The following PTPRT variants were observed in gnomAD, a reference collection of about 807,000 sequenced individuals.
The protein encoded by PTPRT is protein tyrosine phosphatase receptor type T.
In PTPRT, 56 loss-of-function variants were observed where a neutral mutation model predicts 176.8. The ratio of observed to expected loss-of-function variants is 0.32; its 90% CI spans 0.26 to 0.40. The LOEUF is 0.40. PTPRT is among the 10% of genes least tolerant of loss of function. The probability of loss-of-function intolerance (pLI) is 1.00; values close to 1 mark genes in which losing one functional copy is unlikely to be tolerated. For synonymous variants in PTPRT, 783 were observed against 739.0 expected, an observed-to-expected ratio of 1.06 and a Z score of -0.96; for missense variants, 1,540 against 1,908.2, an observed-to-expected ratio of 0.81 and a Z score of 3.60.
chr20:42,168,421 A>G (rs1388692975), intron 16 of PTPRT, among the ~76,000 whole-genome samples: 1 of 152,198 alleles, frequency 6.6e-6, no homozygotes, highest in Non-Finnish European at 1.5e-5. Context: ...AGAAATCTCA[A>G]GGTGGAACCT....
intron 7 of PTPRT, among the ~76,000 whole-genome samples, chr20:42,496,435 A>G (rs1422583896): frequency 6.6e-6 from 1 of 152,164 alleles, no homozygotes; most frequent in East Asian, 1.9e-4. Flanking sequence ...GGTCTTGAAT[A>G]ATTGGAACCG....
chr20:42,750,812 C>T (rs2145380464), intron 6 of PTPRT, among the ~76,000 whole-genome samples: 1 of 152,280 alleles, frequency 6.6e-6, no homozygotes, highest in South Asian at 2.1e-4. Context: ...ATTGAAGACA[C>T]TCAGAAAACC....
intron 1 of PTPRT, among the ~76,000 whole-genome samples, chr20:42,906,654 A>G (rs2079482240): frequency 6.6e-6 from 1 of 152,162 alleles, no homozygotes; most frequent in Non-Finnish European, 1.5e-5. Context: ...AGAGCCCTAC[A>G]GCCTACCCAT....
Position 42,838,608 on chromosome 20 carries a change from C to T in PTPRT, c.215-47142G>A, listed in dbSNP as rs116742712. Among the ~76,000 whole-genome samples, 398 of 152,302 alleles carry T rather than the reference C, an allele frequency of 2.6e-3. 5 individuals carry two copies. The highest frequency in any genetic ancestry group is 9.2e-3 in the African/African-American group (384 of 41,566). On this transcript the variant is annotated intron_variant, in intron 2 of 30. Transcript: ENST00000373187. ...CCACCATTATCTTGGGATATCTGGGCTGTAACCAATGGGCCGCTGGACAGA... is the reference window on the plus strand; with the variant it reads ...CCACCATTATCTTGGGATATCTGGGTTGTAACCAATGGGCCGCTGGACAGA...
At position 43,032,557 on chromosome 20, in the gene PTPRT, G is replaced by A. The variant is rs191899789; in HGVS notation, c.89-146625C>T. 1.8e-3 allele frequency among the ~76,000 whole-genome samples: 271 copies of A among 151,734 alleles called. 2 individuals are homozygous for A. The highest frequency in any genetic ancestry group is 0.01 in the South Asian group (50 of 4,786). ...ATATAATTAATCCAGAAGGGAGAAG[G>A]GAAACCATTTTTGTACCTGTTTATG... On this transcript the variant is annotated intron_variant, in intron 1 of 30. Transcript: ENST00000373187.
intron 1 of PTPRT, among the ~76,000 whole-genome samples, chr20:43,094,391 CTTTT>C (rs71335878): frequency 1.5e-5 from 1 of 64,670 alleles, no homozygotes; most frequent in Non-Finnish European, 2.8e-5. Flanking sequence ...CGGCCTCTTT[CTTTT>C]TTTTTTTTTT....
chr20:43,118,621 G>C (rs1223320818), intron 1 of PTPRT, among the ~76,000 whole-genome samples: 1 of 152,104 alleles, frequency 6.6e-6, no homozygotes, highest in Non-Finnish European at 1.5e-5. Flanking sequence ...TGTATTTTTA[G>C]TAGAGACGGG....
At position 42,352,127 on chromosome 20, in the gene PTPRT, G is replaced by T. The variant is rs779145883; in HGVS notation, c.1719C>A (p.Gly573=). The T allele has an allele frequency of 6.2e-7, 1 of 1,614,150 alleles. No individual in the cohort carries two copies. The highest frequency in any genetic ancestry group is 8.5e-7 in the Non-Finnish European group (1 of 1,180,002). ...SFTIKASTAK[G]FGPPVTTRIA... ...TCCGAGTGGTGACAGGGGGCCCAAA[G>T]CCCTTTGCTGTGCTGGCCTTGATGG... is the stretch of plus-strand genomic sequence containing the variant. The change falls in exon 10 of 31, where the codon GGC becomes GGA. Residue 573 remains glycine, a synonymous_variant. Coordinates refer to ENST00000373187, the MANE Select transcript of PTPRT (RefSeq NM_007050.6).
chr20:42,169,298 C>T (rs1023530869), intron 16 of PTPRT, among the ~76,000 whole-genome samples: 4 of 152,066 alleles, frequency 2.6e-5, no homozygotes, highest in Non-Finnish European at 5.9e-5. Flanking sequence ...TGGGAAAATG[C>T]TTCTAGGATT....
chr20:43,070,181 C>T lies in PTPRT; in HGVS notation c.88+119465G>A, dbSNP rs546971165. Among the ~76,000 whole-genome samples, 13 of 152,204 alleles carry T rather than the reference C, an allele frequency of 8.5e-5. No individual in the cohort carries two copies. In the South Asian group the frequency reaches 1.7e-3, roughly 20 times the overall value. On this transcript the variant is annotated intron_variant, in intron 1 of 30. Transcript: ENST00000373187. ...CAGTGCATGCTGCTGGTGCACAGTC[C>T]GGATAGTCTTGACCAGCAGGTGACC...
intron 11 of PTPRT, among the ~76,000 whole-genome samples, chr20:42,348,201 G>C (rs2058223061): frequency 1.3e-5 from 2 of 152,038 alleles, no homozygotes; most frequent in South Asian, 2.1e-4. Context: ...ATTCGTGCTG[G>C]GTGGCATTGG....
intron 6 of PTPRT, among the ~76,000 whole-genome samples, chr20:42,680,007 G>A (rs1233457590): frequency 6.6e-6 from 1 of 152,198 alleles, no homozygotes; most frequent in African/African-American, 2.4e-5. Flanking sequence ...CACAGAGGAG[G>A]CATATGAGGG....
intron 7 of PTPRT, among the ~76,000 whole-genome samples, chr20:42,566,176 C>A (rs1461029561): frequency 6.6e-6 from 1 of 152,094 alleles, no homozygotes; most frequent in Non-Finnish European, 1.5e-5. Flanking sequence ...CACTCTGTCA[C>A]CCAGGCTGGA....
At chr20:42,214,691 C>G (rs2055726940) in intron 15 of PTPRT, among the ~76,000 whole-genome samples, 1 of 152,250 alleles carries the variant, frequency 6.6e-6, no homozygotes, top group South Asian at 2.1e-4. Context: ...CAATCACACT[C>G]TTTCCACTTA....
chr20:42,432,131 C>A (rs927775786), intron 9 of PTPRT, among the ~76,000 whole-genome samples: 4 of 152,170 alleles, frequency 2.6e-5, no homozygotes, highest in Admixed American at 6.5e-5. Context: ...AAGGGAGACG[C>A]CCAAGCCATC....
chr20:42,915,358 C>T (rs1404980449), intron 1 of PTPRT, among the ~76,000 whole-genome samples: 1 of 152,214 alleles, frequency 6.6e-6, no homozygotes, highest in Non-Finnish European at 1.5e-5. Flanking sequence ...TGGGTCCCTC[C>T]CTGACAGTAG....
intron 12 of PTPRT, among the ~76,000 whole-genome samples, chr20:42,314,526 C>CAAAAA (rs386393782): frequency 2.2e-4 from 22 of 102,292 alleles, no homozygotes; most frequent in African/African-American, 6.7e-4. Context: ...GAGACTGTGT[C>CAAAAA]AAAAAAAAAA....
At position 42,261,380 on chromosome 20, in the gene PTPRT, T is replaced by G. The variant is rs73120020; in HGVS notation, c.2177-12558A>C. Among the ~76,000 whole-genome samples, 60 of 148,624 alleles carry G rather than the reference T, an allele frequency of 4.0e-4. 1 individual carries two copies. Among genetic ancestry groups the G allele is most frequent in the Non-Finnish European group, 6.8e-4 (46 of 68,026 alleles). On this transcript the variant is annotated intron_variant, in intron 13 of 30. Coordinates refer to ENST00000373187, the MANE Select transcript of PTPRT (RefSeq NM_007050.6). ...TCCACCCTTCTGACTTTATCTAAAC[T>G]AATTACATTTGCAAAGATACTGTTT...
intron 7 of PTPRT, among the ~76,000 whole-genome samples, chr20:42,673,273 C>T (rs1326419147): frequency 6.6e-6 from 1 of 152,202 alleles, no homozygotes; most frequent in Admixed American, 6.5e-5. Context: ...ATGGAATGAA[C>T]ATCCTTCCAA....
Sources: gnomAD v4.1 joint callset for allele counts (sites outside exome capture counted in the v4.1 genomes callset) on GRCh38, gnomAD v4.1.1 for gene constraint, MANE v1.5 for transcripts, NCBI Gene and HGNC (gene_info 2026-07-23, HGNC 2026-07-21) for gene names.